The following SNTG1 variants were observed in gnomAD, a reference collection of about 807,000 sequenced individuals.
SNTG1 encodes syntrophin gamma 1.
Under a neutral mutation model 74.7 loss-of-function variants are expected in SNTG1, and 39 were observed. The observed-to-expected ratio is 0.52, with a 90% CI of 0.40 to 0.68. The LOEUF (loss-of-function observed/expected upper bound fraction) is 0.68. Ranked by LOEUF, SNTG1 falls within the 30% of genes least tolerant of loss-of-function variation. The pLI is 0.00. For missense variants in SNTG1, 685 were observed against 609.5 expected (o/e 1.12, Z -1.30); for synonymous variants, 254 against 217.1 (o/e 1.17, Z -1.49).
chr8:50,720,883 TG>T (rs1281896720), intron 17 of SNTG1, among the ~76,000 whole-genome samples: 1 of 152,216 alleles, frequency 6.6e-6, no homozygotes, highest in Non-Finnish European at 1.5e-5. Context: ...TTTACCTATG[TG>T]GTAAAAAGCT....
At chr8:50,276,687 T>C (rs535784600) in intron 2 of SNTG1, among the ~76,000 whole-genome samples, 4 of 152,182 alleles carry the variant, frequency 2.6e-5, no homozygotes, top group Admixed American at 2.6e-4. Flanking sequence ...ACCTGAAGTA[T>C]TAAATATCAA....
At position 49,995,939 on chromosome 8, in the gene SNTG1, T is replaced by C. The variant is rs113172500; in HGVS notation, c.-103+83708T>C. ...CATATCTTTAAGCATAAAAACTGGG[T>C]ATGTTTTAATGAATCTATAACTTCA... On this transcript the variant is annotated intron_variant, in intron 1 of 18. Transcript: ENST00000642720. Among the ~76,000 whole-genome samples, 11 of 152,354 alleles carry C rather than the reference T, an allele frequency of 7.2e-5. 1 individual carries two copies. The highest frequency in any genetic ancestry group is 2.4e-4 in the African/African-American group (10 of 41,576).
At chr8:50,198,656 C>T (rs2083870539) in intron 2 of SNTG1, among the ~76,000 whole-genome samples, 1 of 152,292 alleles carries the variant, frequency 6.6e-6, no homozygotes, top group East Asian at 1.9e-4. Context: ...AAATGTCATA[C>T]TTTCTTTTAA....
intron 2 of SNTG1, among the ~76,000 whole-genome samples, chr8:50,342,183 G>A (rs1478116128): frequency 6.6e-6 from 1 of 152,024 alleles, no homozygotes; most frequent in Non-Finnish European, 1.5e-5. Context: ...GCTCATTTTA[G>A]TTCGGCATGA....
chr8:50,521,392 A>G (rs994434902), intron 9 of SNTG1, among the ~76,000 whole-genome samples: 2 of 152,202 alleles, frequency 1.3e-5, no homozygotes, highest in African/African-American at 4.8e-5. Flanking sequence ...TTTCCTGCAC[A>G]TGTACCCCAG....
chr8:49,955,541 A>C (rs1431319251), intron 1 of SNTG1, among the ~76,000 whole-genome samples: 2 of 152,202 alleles, frequency 1.3e-5, no homozygotes, highest in Non-Finnish European at 2.9e-5. Flanking sequence ...TTCATCACTT[A>C]CTTGTCTTTA....
intron 13 of SNTG1, among the ~76,000 whole-genome samples, chr8:50,597,720 AT>A (rs947940581): frequency 5.6e-4 from 84 of 151,348 alleles, no homozygotes; most frequent in African/African-American, 1.7e-3. Flanking sequence ...AACATTTGTT[AT>A]TTTTTTTGTC....
chr8:50,357,501 G>A (rs571026673), intron 2 of SNTG1, among the ~76,000 whole-genome samples: 2 of 152,272 alleles, frequency 1.3e-5, no homozygotes, highest in East Asian at 1.9e-4. Flanking sequence ...AGTGTCCTTG[G>A]CATGTGGGAA....
At chr8:50,706,183 C>T (rs558328634) in intron 16 of SNTG1, among the ~76,000 whole-genome samples, 1 of 152,160 alleles carries the variant, frequency 6.6e-6, no homozygotes, top group South Asian at 2.1e-4. Context: ...TTTTCAATAA[C>T]TCTGCTTTTA....
Position 49,980,001 on chromosome 8 carries a change from A to G in SNTG1, c.-103+67770A>G, listed in dbSNP as rs375101030. On this transcript the variant is annotated intron_variant, in intron 1 of 18. Coordinates refer to ENST00000642720, the MANE Select transcript of SNTG1 (RefSeq NM_018967.5). Reference sequence around the variant, plus strand: ...CAATGTATTTGACAGACACACTCATATTGTCAGGGTAAAAGGAGGCAGCAG... The same window carrying G: ...CAATGTATTTGACAGACACACTCATGTTGTCAGGGTAAAAGGAGGCAGCAG... Among the ~76,000 whole-genome samples the G allele has an allele frequency of 1.2e-4, 18 of 152,310 alleles. No homozygotes were observed. In the East Asian group the frequency reaches 1.7e-3, roughly 15 times the overall value.
chr8:50,465,594 T>A (rs1198192848), intron 8 of SNTG1, among the ~76,000 whole-genome samples: 1 of 152,164 alleles, frequency 6.6e-6, no homozygotes, highest in Non-Finnish European at 1.5e-5. Flanking sequence ...TCCTCTAGGA[T>A]CCATTTGTTC....
At chr8:50,336,436 A>AT (rs1438994577) in intron 2 of SNTG1, among the ~76,000 whole-genome samples, 9 of 152,310 alleles carry the variant, frequency 5.9e-5, no homozygotes, top group African/African-American at 1.9e-4. Flanking sequence ...ATCAGTGCCA[A>AT]TTGTTTTGAG....
chr8:50,215,491 A>G (rs932056256), intron 2 of SNTG1, among the ~76,000 whole-genome samples: 6 of 148,206 alleles, frequency 4.0e-5, no homozygotes, highest in Middle Eastern at 3.6e-3. Flanking sequence ...ATATATATAT[A>G]GACTATAGGC....
At chr8:50,471,204 T>C (rs2093651285) in intron 8 of SNTG1, among the ~76,000 whole-genome samples, 1 of 151,056 alleles carries the variant, frequency 6.6e-6, no homozygotes, top group Non-Finnish European at 1.5e-5. Context: ...GTGTCAGCCG[T>C]GGTAGAAACA....
chr8:50,272,011 T>C (rs2087809580), intron 2 of SNTG1, among the ~76,000 whole-genome samples: 1 of 152,126 alleles, frequency 6.6e-6, no homozygotes, highest in Non-Finnish European at 1.5e-5. Flanking sequence ...GTATCATCTA[T>C]GAGCCAGAAA....
At chr8:50,534,890 A>G (rs1308765009) in intron 10 of SNTG1, among the ~76,000 whole-genome samples, 1 of 152,214 alleles carries the variant, frequency 6.6e-6, no homozygotes, top group Non-Finnish European at 1.5e-5. Flanking sequence ...ACAAGTAGGT[A>G]TTATTAAAAC....
chr8:49,987,064 G>A (rs1286286295), intron 1 of SNTG1, among the ~76,000 whole-genome samples: 1 of 152,170 alleles, frequency 6.6e-6, no homozygotes, highest in African/African-American at 2.4e-5. Context: ...GGAAAAGTAT[G>A]ACAAATTACA....
chr8:50,527,418 C>T (rs2094230189), intron 9 of SNTG1, among the ~76,000 whole-genome samples: 1 of 152,056 alleles, frequency 6.6e-6, no homozygotes, highest in African/African-American at 2.4e-5. Flanking sequence ...TTATTTTCCT[C>T]TAGAGGCCTG....
intron 1 of SNTG1, among the ~76,000 whole-genome samples, chr8:49,923,156 G>T (rs2129345761): frequency 6.6e-6 from 1 of 152,148 alleles, no homozygotes; most frequent in Admixed American, 6.6e-5. Flanking sequence ...AGGAGATATT[G>T]TCAAAAACAC....
Sources: allele counts gnomAD v4.1 joint callset (sites outside exome capture counted in the v4.1 genomes callset), GRCh38; gene constraint gnomAD v4.1.1; transcripts MANE v1.5; gene names NCBI Gene and HGNC (gene_info 2026-07-23, HGNC 2026-07-21).